ZDHHC7: variants seen among roughly 807,000 people sequenced by gnomAD.
ZDHHC7 encodes zDHHC palmitoyltransferase 7, also known as palmitoyltransferase ZDHHC7.
In ZDHHC7, 12 loss-of-function variants were observed where a neutral mutation model predicts 34.1. The observed-to-expected ratio is 0.35, with a 90% CI of 0.23 to 0.57. The LOEUF (loss-of-function observed/expected upper bound fraction) is 0.57. ZDHHC7 is among the 20% of genes least tolerant of loss of function. The pLI is 0.84. For synonymous variants in ZDHHC7, 185 were observed against 155.4 expected, an observed-to-expected ratio of 1.19 and a Z score of -1.42; for missense variants, 388 against 402.7, an observed-to-expected ratio of 0.96 and a Z score of 0.31.
rs544126000 is a variant in ZDHHC7 at position 85,007,392 on chromosome 16, C to T, written c.-104+3894G>A. Among the ~76,000 whole-genome samples, 746 of 140,564 alleles carry T rather than the reference C, an allele frequency of 5.3e-3. 12 individuals carry two copies. Among genetic ancestry groups the T allele is most frequent in the African/African-American group, 0.019 (714 of 36,752 alleles). The allele number at this position is 140,564 out of a possible 152,430, so 92.2% of individuals were successfully genotyped here. ...GAGCCGAGACCACGCCACCGCACTC[C>T]AGCCTGGGCAACAGAGCGATACTCC... On this transcript the variant is annotated intron_variant, in intron 1 of 7. Coordinates refer to ENST00000313732, the MANE Select transcript of ZDHHC7 (RefSeq NM_017740.3).
chr16:85,020,016 G>A, the ZDHHC7 span, among the ~76,000 whole-genome samples: 1 of 152,212 alleles, frequency 6.6e-6, no homozygotes, highest in South Asian at 2.1e-4. Flanking sequence ...TTGACCAAAT[G>A]AAGTACAGGA....
At chr16:85,013,817 A>G (rs1188036634), upstream of ZDHHC7, among the ~76,000 whole-genome samples, 5 of 151,988 alleles carry the variant, frequency 3.3e-5, no homozygotes. Context: ...CCTCCCAAGT[A>G]GCTGGGATTA....
chr16:85,020,748 C>G, the ZDHHC7 span, among the ~76,000 whole-genome samples: 1 of 152,032 alleles, frequency 6.6e-6, no homozygotes, highest in Non-Finnish European at 1.5e-5. Context: ...AGGTGAAGGA[C>G]GCTGGCATAT....
intron 3 of ZDHHC7, among the ~76,000 whole-genome samples, chr16:84,989,466 C>T (rs1255686677): frequency 1.3e-5 from 2 of 152,062 alleles, no homozygotes; most frequent in African/African-American, 2.4e-5. Flanking sequence ...GAGGCCAAGG[C>T]GGGTGGATCA....
intron 5 of ZDHHC7, chr16:84,978,214 G>T: frequency 2.3e-6 from 1 of 436,484 alleles, no homozygotes; most frequent in Non-Finnish European, 4.1e-6. Flanking sequence ...TGCATTTTTA[G>T]TAGAGATGGG....
chr16:84,994,344 ACATCAAG>A (rs2143667100), intron 2 of ZDHHC7, among the ~76,000 whole-genome samples: 1 of 152,342 alleles, frequency 6.6e-6, no homozygotes, highest in East Asian at 1.9e-4. Context: ...GGGCCCAGGT[ACATCAAG>A]GCCGTAAGCT....
At chr16:85,007,473 G>C (rs1485572504) in intron 1 of ZDHHC7, among the ~76,000 whole-genome samples, 1 of 149,988 alleles carries the variant, frequency 6.7e-6, no homozygotes, top group Admixed American at 6.6e-5. Context: ...AAGCAAGCAG[G>C]GCCAAGATTA....
rs1164867785 is a variant in ZDHHC7, at chr16:84,974,317, A to G, written c.*2026T>C. ...TGAGTCGCGCTTGAGTGCCCAGGTCACTTGTCATGGGCACAAAAGCATTTA... is the reference window on the plus strand; with the variant it reads ...TGAGTCGCGCTTGAGTGCCCAGGTCGCTTGTCATGGGCACAAAAGCATTTA... On this transcript the variant is annotated 3_prime_UTR_variant, in exon 8 of 8. Coordinates refer to ENST00000313732, the MANE Select transcript of ZDHHC7 (RefSeq NM_017740.3). The G allele has an allele frequency of 6.6e-6, 1 of 152,202 alleles. No homozygotes were observed. Among genetic ancestry groups the G allele is most frequent in the East Asian group, 1.9e-4 (1 of 5,196 alleles). The allele number at this position is 152,202 out of a possible 1,614,324, so 9.4% of individuals were successfully genotyped here. A position where few individuals can be genotyped will look rare whatever the true frequency, so the allele number is the denominator to read the frequency against.
the ZDHHC7 span, among the ~76,000 whole-genome samples, chr16:85,021,421 A>AC: frequency 2.9e-4 from 44 of 150,652 alleles, no homozygotes; most frequent in African/African-American, 1.1e-3. Flanking sequence ...AAAAAAAAAA[A>AC]AAAAAAGCCA....
intron 7 of ZDHHC7, 116 bp downstream of exon 7, chr16:84,976,979 A>G: frequency 1.4e-6 from 2 of 1,453,848 alleles, no homozygotes; most frequent in Non-Finnish European, 1.9e-6. Context: ...GCTCATCAAG[A>G]CCGTCCCATT....
intron 7 of ZDHHC7, 85 bp from the exon 8 acceptor site, chr16:84,976,604 G>A (rs1165296165): frequency 1.3e-6 from 2 of 1,529,030 alleles, no homozygotes; most frequent in Admixed American, 2.2e-5. Context: ...CCGTGCTCAA[G>A]CACAGTGTGG....
In ZDHHC7 at chr16:85,002,376, C is replaced by T. The variant is rs187160939; in HGVS notation, c.-103-6369G>A. ...TCAGTCAGCCAGGTGTTCAAGGCCA[C>T]ATCCATAGCAATGAGTCCTGTGGAC... is the stretch of plus-strand genomic sequence containing the variant. On this transcript the variant is annotated intron_variant, in intron 1 of 7. Coordinates refer to ENST00000313732, the MANE Select transcript of ZDHHC7 (RefSeq NM_017740.3). Among the ~76,000 whole-genome samples the T allele has an allele frequency of 1.6e-3, 249 of 152,290 alleles. 1 individual carries two copies. Among genetic ancestry groups the T allele is most frequent in the Non-Finnish European group, 2.6e-3 (180 of 68,020 alleles).
chr16:84,988,618 TG>T, intron 3 of ZDHHC7: 1 of 702,830 alleles, frequency 1.4e-6, no homozygotes, highest in South Asian at 1.8e-5. Flanking sequence ...AGGAGCGGGG[TG>T]GGAGCAGAAG....
At chr16:85,008,938 G>C (rs926074996) in intron 1 of ZDHHC7, among the ~76,000 whole-genome samples, 1 of 151,590 alleles carries the variant, frequency 6.6e-6, no homozygotes, top group African/African-American at 2.4e-5. Flanking sequence ...CCAGCTACTC[G>C]GGAGGCTGAG....
At chr16:85,020,090 C>T in the ZDHHC7 span, among the ~76,000 whole-genome samples, 1 of 152,234 alleles carries the variant, frequency 6.6e-6, no homozygotes, top group East Asian at 1.9e-4. Flanking sequence ...GGCTGCGCCA[C>T]ACCCCTCTGG....
At chr16:84,994,129 C>T (rs138638457) in intron 2 of ZDHHC7, among the ~76,000 whole-genome samples, 3 of 152,338 alleles carry the variant, frequency 2.0e-5, no homozygotes, top group Non-Finnish European at 1.5e-5. Flanking sequence ...CTTGCAGGTC[C>T]GACCTCCCGG....
chr16:85,014,032 GTAGA>G, upstream of ZDHHC7, among the ~76,000 whole-genome samples: 1 of 152,206 alleles, frequency 6.6e-6, no homozygotes, highest in Admixed American at 6.5e-5. Context: ...ATGTAAAAGG[GTAGA>G]TAGAGATAAG....
At position 84,990,286 on chromosome 16, in the gene ZDHHC7, G is replaced by C. The variant is rs1252104948; in HGVS notation, c.315+18C>G. 3 of 1,609,580 alleles carry C rather than the reference G, an allele frequency of 1.9e-6. No individual in the cohort carries two copies. Among genetic ancestry groups the C allele is most frequent in the Non-Finnish European group, 2.5e-6 (3 of 1,176,862 alleles). ...ACCAGACACAAGAGAGCCACCCAGA[G>C]ACGCAGCCAGTACTCACAGGGTCGG... On this transcript the variant is annotated intron_variant, in intron 3 of 7. Coordinates refer to ENST00000313732, the MANE Select transcript of ZDHHC7 (RefSeq NM_017740.3).
intron 1 of ZDHHC7, among the ~76,000 whole-genome samples, chr16:85,010,723 G>A (rs2072779919): frequency 6.6e-6 from 1 of 152,220 alleles, no homozygotes; most frequent in Admixed American, 6.5e-5. Flanking sequence ...AACCACACCA[G>A]GAGAGGTGAG....
Sources: gnomAD v4.1 joint callset for allele counts (sites outside exome capture counted in the v4.1 genomes callset) on GRCh38, gnomAD v4.1.1 for gene constraint, MANE v1.5 for transcripts, NCBI Gene and HGNC (gene_info 2026-07-23, HGNC 2026-07-21) for gene names.